The following TGM7 variants were observed in gnomAD, a reference collection of about 807,000 sequenced individuals.
The protein encoded by TGM7 is protein-glutamine gamma-glutamyltransferase Z.
TGM7 carries 74 observed loss-of-function variants against 79.5 expected under a neutral mutation model. That is an observed-to-expected ratio of 0.93 (90% CI 0.77 to 1.13). TGM7 has a LOEUF of 1.13. TGM7 is among the 50% of genes most tolerant of loss of function. The pLI is 0.00. For missense variants in TGM7, 912 were observed against 905.9 expected (o/e 1.01, Z -0.09); for synonymous variants, 354 against 362.5 (o/e 0.98, Z 0.27).
chr15:43,285,849 A>AACAC (rs57197257), intron 6 of TGM7, among the ~76,000 whole-genome samples: 97 of 150,286 alleles, frequency 6.5e-4, no homozygotes, highest in African/African-American at 1.8e-3. Flanking sequence ...CATACACACA[A>AACAC]ACACACACAC....
intron 1 of TGM7, among the ~76,000 whole-genome samples, chr15:43,293,919 A>C (rs1268615218): frequency 2.8e-4 from 1 of 3,570 alleles, no homozygotes; most frequent in Admixed American, 3.8e-3. Flanking sequence ...GTGCGGGGGG[A>C]GTGGGGTGTG....
At chr15:43,296,195 G>A (rs1340856645) in intron 1 of TGM7, among the ~76,000 whole-genome samples, 1 of 152,200 alleles carries the variant, frequency 6.6e-6, no homozygotes, top group Non-Finnish European at 1.5e-5. Context: ...GGAGGCCAAG[G>A]CGGGCAGATC....
intron 7 of TGM7, among the ~76,000 whole-genome samples, chr15:43,284,450 A>G (rs944245778): frequency 6.6e-6 from 1 of 152,150 alleles, no homozygotes; most frequent in African/African-American, 2.4e-5. Flanking sequence ...AGGTCTACAG[A>G]AGCAGCCAGT....
At chr15:43,281,760 A>G in intron 9 of TGM7, 84 bp downstream of exon 9, 3 of 1,563,254 alleles carry the variant, frequency 1.9e-6, no homozygotes, top group Non-Finnish European at 2.6e-6. Context: ...TTCGATGGTG[A>G]TGGTTTCAAC....
chr15:43,291,357 G>T (rs2042962633), intron 4 of TGM7, among the ~76,000 whole-genome samples: 1 of 152,118 alleles, frequency 6.6e-6, no homozygotes, highest in Admixed American at 6.5e-5. Context: ...TTATATGCTG[G>T]ATTACGTTTA....
rs1489929490 is a variant in TGM7 at position 43,290,112 on chromosome 15, TGGGGTTTTA to T, written c.558+1858_558+1866del. Among the ~76,000 whole-genome samples, 3 of 152,358 alleles carry T rather than the reference TGGGGTTTTA, an allele frequency of 2.0e-5. No individual in the cohort carries two copies. The East Asian group carries it at 5.8e-4, about 29-fold the overall frequency. On this transcript the variant is annotated intron_variant, in intron 4 of 12. Transcript: ENST00000452443. ...TTTTGGCTTTTGTTGCCATTTCTTT[TGGGGTTTTA>T]GACATGAAGTCCTTGCCCATGCCTA...
rs2042877555 is a variant in TGM7 at position 43,276,452 on chromosome 15, G to C, written c.*3C>G. ...GCCAGGGAGGGCAGCTGGAGGGCGG[G>C]TCTCAGGGAGCCCCAGCCACAGTGA... On this transcript the variant is annotated 3_prime_UTR_variant, in exon 13 of 13. Transcript: ENST00000452443. 6.2e-7 allele frequency: 1 copy of C among 1,610,976 alleles called. No individual in the cohort carries two copies.
At chr15:43,297,587 T>TAGAA (rs3038034) in intron 1 of TGM7, among the ~76,000 whole-genome samples, 12,635 of 114,396 alleles carry the variant, frequency 0.11, 705 homozygotes, top group South Asian at 0.14. Context: ...TCTGCATGTA[T>TAGAA]AGAAAGAAAG....
intron 4 of TGM7, among the ~76,000 whole-genome samples, chr15:43,290,872 A>G (rs1029933590): frequency 1.3e-5 from 2 of 152,082 alleles, no homozygotes; most frequent in Non-Finnish European, 2.9e-5. Flanking sequence ...TTTGTCTGTT[A>G]TTGGTGTATA....
chr15:43,285,731 G>T (rs1017146210), intron 6 of TGM7, among the ~76,000 whole-genome samples: 1 of 152,132 alleles, frequency 6.6e-6, no homozygotes, highest in Admixed American at 6.5e-5. Context: ...TCTTTAATAA[G>T]GCAGCAGCTC....
Position 43,292,878 on chromosome 15 carries a change from G to T in TGM7, c.270C>A (p.Ser90Arg). ...TGGAGTCAATGGTGAAATCAGAAGC[G>T]CTCCAGACATTCCCGGGCTGGACCC... ...LTRVQPGNVW[S>R]ASDFTIDSNS... Residue 90 changes from serine (S) to arginine (R), a missense_variant, in exon 3 of 13, where the codon AGC (serine) becomes AGA (arginine). Coordinates refer to ENST00000452443, the MANE Select transcript of TGM7 (RefSeq NM_052955.3). The T allele has an allele frequency of 1.9e-6, 3 of 1,614,010 alleles. No individual in the cohort carries two copies. Among genetic ancestry groups the T allele is most frequent in the Admixed American group, 1.7e-5 (1 of 60,020 alleles).
At chr15:43,276,698 G>C in intron 12 of TGM7, 84 bp from the exon 13 acceptor site, 2 of 1,547,834 alleles carry the variant, frequency 1.3e-6, no homozygotes, top group Non-Finnish European at 8.7e-7. Flanking sequence ...GGGTGGGTAA[G>C]AGGCTCCCAC....
intron 4 of TGM7, among the ~76,000 whole-genome samples, chr15:43,288,390 G>T (rs2042947106): frequency 6.6e-6 from 1 of 152,148 alleles, no homozygotes; most frequent in Non-Finnish European, 1.5e-5. Flanking sequence ...CAGTGGGAAG[G>T]AGAGAGAAAC....
At chr15:43,298,325 C>A (rs554404021) in intron 1 of TGM7, among the ~76,000 whole-genome samples, 5 of 152,168 alleles carry the variant, frequency 3.3e-5, no homozygotes, top group Non-Finnish European at 5.9e-5. Flanking sequence ...GTGAGGGCAG[C>A]AGGGCCAGGA....
intron 5 of TGM7, 37 bp from the exon 6 acceptor site, chr15:43,287,494 G>C: frequency 6.2e-7 from 1 of 1,612,780 alleles, no homozygotes; most frequent in East Asian, 2.2e-5. Flanking sequence ...CACAGCTCCC[G>C]GGGAAGCTCA....
intron 10 of TGM7, 138 bp from the exon 11 acceptor site, chr15:43,279,415 A>T: frequency 8.7e-7 from 1 of 1,154,180 alleles, no homozygotes; most frequent in South Asian, 1.5e-5. Flanking sequence ...ACAGCGTCCC[A>T]CCACGCACAC....
chr15:43,279,544 T>C, intron 10 of TGM7, 81 bp downstream of exon 10: 8 of 1,476,250 alleles, frequency 5.4e-6, no homozygotes, highest in East Asian at 2.3e-5. Context: ...GTGTGTAATC[T>C]GGCTGGGCCC....
intron 4 of TGM7, among the ~76,000 whole-genome samples, chr15:43,289,087 G>A (rs530326578): frequency 5.3e-5 from 8 of 151,634 alleles, no homozygotes; most frequent in African/African-American, 1.9e-4. Flanking sequence ...TCTACTTTAA[G>A]TTTTGGGGTA....
intron 1 of TGM7, among the ~76,000 whole-genome samples, chr15:43,297,684 C>T (rs2043006399): frequency 6.6e-6 from 1 of 152,004 alleles, no homozygotes; most frequent in African/African-American, 2.4e-5. Context: ...ATGTGATGAG[C>T]TCCGCGATGC....
Sources: allele counts gnomAD v4.1 joint callset (sites outside exome capture counted in the v4.1 genomes callset), GRCh38; gene constraint gnomAD v4.1.1; transcripts MANE v1.5; gene names NCBI Gene and HGNC (gene_info 2026-07-23, HGNC 2026-07-21).